GRAMD1B: variants seen among roughly 807,000 people sequenced by gnomAD.
The protein encoded by GRAMD1B is GRAM domain containing 1B, also known as protein Aster-B.
A neutral mutation model predicts 99.7 loss-of-function variants in GRAMD1B; 37 were observed. That is an observed-to-expected ratio of 0.37 (90% CI 0.29 to 0.49). The LOEUF is 0.49. GRAMD1B is among the 20% of genes least tolerant of loss of function. GRAMD1B has a pLI of 0.98. For missense variants in GRAMD1B, 888 were observed against 1,009.2 expected, an observed-to-expected ratio of 0.88 and a Z score of 1.63; for synonymous variants, 427 against 387.6, an observed-to-expected ratio of 1.10 and a Z score of -1.19.
At chr11:123,431,898 G>A (rs74560755) in intron 1 of GRAMD1B, 3,937 of 393,538 alleles carry the variant, frequency 0.01, 136 homozygotes, top group African/African-American at 0.073. Context: ...ACACAGCCCT[G>A]GTCAGGACTG....
rs184551828 is a variant in GRAMD1B at position 123,436,088 on chromosome 11, G to A, written c.374+4922G>A. Among the ~76,000 whole-genome samples, 46 of 151,936 alleles carry A rather than the reference G, an allele frequency of 3.0e-4. No homozygotes were observed. In the East Asian group the frequency reaches 6.6e-3, roughly 22 times the overall value. On this transcript the variant is annotated intron_variant, in intron 1 of 19. Coordinates refer to ENST00000635736, the MANE Select transcript of GRAMD1B (RefSeq NM_001387025.1). ...CTCCTGAGTAGCTGGGATTACAGAA[G>A]CTCGCCACCACGCCCAGATAATTTT...
chr11:123,466,977 T>A lies in GRAMD1B; in HGVS notation c.375-13839T>A, dbSNP rs529733214. Among the ~76,000 whole-genome samples, 5 of 152,268 alleles carry A rather than the reference T, an allele frequency of 3.3e-5. No individual in the cohort carries two copies. In the East Asian group the frequency reaches 9.6e-4, roughly 29 times the overall value. ...GTGAAGAGAGTTAAAGCTGACAGTTTCTCCTTGCCCCTTTTCTCAGAACCC... is the reference window on the plus strand; with the variant it reads ...GTGAAGAGAGTTAAAGCTGACAGTTACTCCTTGCCCCTTTTCTCAGAACCC... On this transcript the variant is annotated intron_variant, in intron 1 of 19. Transcript: ENST00000635736.
At chr11:123,412,897 T>C (rs976856482) in intron 1 of GRAMD1B, among the ~76,000 whole-genome samples, 3 of 152,174 alleles carry the variant, frequency 2.0e-5, no homozygotes, top group Non-Finnish European at 4.4e-5. Context: ...TTCTCCTGTC[T>C]CAGCCTCCCG....
intron 2 of GRAMD1B, among the ~76,000 whole-genome samples, chr11:123,569,630 C>G (rs1947831817): frequency 6.6e-6 from 1 of 152,228 alleles, no homozygotes; most frequent in African/African-American, 2.4e-5. Flanking sequence ...TGGCTCTCCT[C>G]TCTCAGCCAC....
chr11:123,618,554 C>G (rs1313744993), intron 17 of GRAMD1B, 139 bp from the exon 18 acceptor site: 4 of 810,484 alleles, frequency 4.9e-6, no homozygotes, highest in Non-Finnish European at 8.9e-6. Context: ...CTCCCTTGCT[C>G]CATCCCTCCA....
At chr11:123,474,789 T>A (rs2714048) in intron 1 of GRAMD1B, among the ~76,000 whole-genome samples, 1 of 151,956 alleles carries the variant, frequency 6.6e-6, no homozygotes, top group African/African-American at 2.4e-5. Flanking sequence ...CTAATTAGCA[T>A]GAGATAATTG....
chr11:123,397,609 C>A (rs1254532285), intron 1 of GRAMD1B, among the ~76,000 whole-genome samples: 2 of 152,070 alleles, frequency 1.3e-5, no homozygotes, highest in Non-Finnish European at 2.9e-5. Flanking sequence ...CTTAAGTGAT[C>A]CTCCTGCCTC....
chr11:123,506,174 C>T (rs1940405140), intron 2 of GRAMD1B, among the ~76,000 whole-genome samples: 1 of 152,182 alleles, frequency 6.6e-6, no homozygotes. Context: ...CAGAGTGCAG[C>T]GGGGGAGGTT....
At chr11:123,529,959 C>G (rs1943185459) in intron 2 of GRAMD1B, among the ~76,000 whole-genome samples, 1 of 151,694 alleles carries the variant, frequency 6.6e-6, no homozygotes, top group East Asian at 1.9e-4. Context: ...TCAGGAAAGT[C>G]AGTGTGCTGG....
At chr11:123,461,759 C>G (rs1950423384) in intron 1 of GRAMD1B, among the ~76,000 whole-genome samples, 1 of 151,882 alleles carries the variant, frequency 6.6e-6, no homozygotes, top group Non-Finnish European at 1.5e-5. Context: ...TGTCCACCAC[C>G]ACACTCGGCT....
chr11:123,361,941 T>G (rs1946159905), intron 1 of GRAMD1B, among the ~76,000 whole-genome samples: 1 of 152,242 alleles, frequency 6.6e-6, no homozygotes, highest in Admixed American at 6.5e-5. Flanking sequence ...CCTTAATTTA[T>G]TAAAGCCTCA....
intron 1 of GRAMD1B, among the ~76,000 whole-genome samples, chr11:123,370,366 A>C (rs1312748604): frequency 4.2e-4 from 54 of 129,132 alleles, no homozygotes; most frequent in African/African-American, 1.6e-3. Context: ...TTTGAGACAG[A>C]TTCTCACTCT....
chr11:123,600,388 T>C, intron 7 of GRAMD1B, 80 bp from the exon 8 acceptor site: 1 of 873,356 alleles, frequency 1.1e-6, no homozygotes, highest in South Asian at 1.6e-5. Flanking sequence ...GTATCTTTTC[T>C]TAAAGGATGG....
chr11:123,402,674 T>C (rs1012860440), intron 1 of GRAMD1B, among the ~76,000 whole-genome samples: 1 of 152,130 alleles, frequency 6.6e-6, no homozygotes, highest in Non-Finnish European at 1.5e-5. Flanking sequence ...CTCTCTTTCC[T>C]CCTCATTGCC....
chr11:123,472,255 A>C (rs1005036207), intron 1 of GRAMD1B, among the ~76,000 whole-genome samples: 1 of 151,916 alleles, frequency 6.6e-6, no homozygotes, highest in African/African-American at 2.4e-5. Flanking sequence ...AAAAGAAAAA[A>C]GAAAGAAGTG....
In GRAMD1B at chr11:123,610,118, T is replaced by C; in HGVS notation, c.1777-78T>C. The C allele has an allele frequency of 8.3e-7, 1 of 1,208,360 alleles. No homozygotes were observed. The highest frequency in any genetic ancestry group is 1.2e-6 in the Non-Finnish European group (1 of 865,276). The allele number at this position is 1,208,360 out of a possible 1,614,324, so 74.9% of individuals were successfully genotyped here. ...CAGAAGCCGTGGGGTGGGGTGGGCT[T>C]GGGGAGGCTGGAGAAGGTGCTTTTC... On this transcript the variant is annotated intron_variant, in intron 13 of 19. Transcript: ENST00000635736. This position sits in a 1 kb window ranked among gnomAD's most constrained non-coding sequence, Gnocchi z 4.1.
chr11:123,400,836 T>C (rs956038707), intron 1 of GRAMD1B, among the ~76,000 whole-genome samples: 6 of 152,218 alleles, frequency 3.9e-5, no homozygotes, highest in Admixed American at 6.5e-5. Context: ...ATTACTCCAG[T>C]ATTTTATTGA....
chr11:123,559,033 A>G (rs1946430310), intron 2 of GRAMD1B, among the ~76,000 whole-genome samples: 3 of 152,214 alleles, frequency 2.0e-5, no homozygotes, highest in African/African-American at 7.2e-5. Context: ...GCTGCAGTGG[A>G]CAGACAAAAC....
At chr11:123,467,889 G>C (rs933417210) in intron 1 of GRAMD1B, among the ~76,000 whole-genome samples, 2 of 126,212 alleles carry the variant, frequency 1.6e-5, no homozygotes, top group African/African-American at 5.9e-5. Flanking sequence ...GTTTTTGATG[G>C]AGTCTCGTTC....
Sources: gnomAD v4.1 joint callset for allele counts (sites outside exome capture counted in the v4.1 genomes callset) on GRCh38, gnomAD v4.1.1 for gene constraint, Gnocchi (gnomAD v3.1) non-coding constraint, MANE v1.5 for transcripts, NCBI Gene and HGNC (gene_info 2026-07-23, HGNC 2026-07-21) for gene names.